Variants in USP46 observed in about 807,000 individuals in gnomAD.
The protein encoded by USP46 is ubiquitin carboxyl-terminal hydrolase 46.
Under a neutral mutation model 44.4 loss-of-function variants are expected in USP46, and 12 were observed. The observed-to-expected ratio is 0.27, with a 90% confidence interval of 0.17 to 0.44. The LOEUF (loss-of-function observed/expected upper bound fraction) is 0.44. Ranked by LOEUF, USP46 falls within the 20% of genes least tolerant of loss-of-function variation. The pLI, the probability that USP46 is intolerant of heterozygous loss-of-function variation, is 1.00. For synonymous variants in USP46, 155 were observed against 161.5 expected (o/e 0.96, Z 0.31); for missense variants, 248 against 444.8 (o/e 0.56, Z 3.98).
At chr4:52,609,986 C>T (rs1228458079) in intron 5 of USP46, among the ~76,000 whole-genome samples, 2 of 113,132 alleles carry the variant, frequency 1.8e-5, no homozygotes, top group Non-Finnish European at 3.3e-5. Flanking sequence ...AGTGCAGTGG[C>T]GCGATCTCGA....
chr4:52,652,321 A>C (rs144948762), intron 1 of USP46, among the ~76,000 whole-genome samples: 105 of 152,322 alleles, frequency 6.9e-4, no homozygotes, highest in African/African-American at 2.3e-3. Flanking sequence ...TTCTTTGGAG[A>C]GCAATCAGGC....
intron 4 of USP46, among the ~76,000 whole-genome samples, chr4:52,613,654 G>A (rs557866179): frequency 4.8e-4 from 72 of 151,388 alleles, no homozygotes; most frequent in African/African-American, 1.6e-3. Context: ...CCCAGGAGGC[G>A]GAGGTTGCAG....
In USP46 at chr4:52,604,670, GTAATT is replaced by G. The variant is rs756940324; in HGVS notation, c.639-91_639-87del. 3.1e-3 allele frequency: 2,676 copies of G among 860,626 alleles called. 15 individuals are homozygous for G. Among genetic ancestry groups the G allele is most frequent in the Non-Finnish European group, 3.3e-3 (1,906 of 573,762 alleles). 53.3% of individuals were successfully genotyped at this position (860,626 alleles called of 1,614,324 possible). On this transcript the variant is annotated intron_variant, in intron 5 of 8. Transcript: ENST00000441222. ...TTAAATCCCTCAATTAACCTGTAGG[GTAATT>G]TTTAAGTAAAAATGGAAGAAGAAGT...
chr4:52,656,612 A>C, intron 1 of USP46: 2 of 1,248,562 alleles, frequency 1.6e-6, no homozygotes, highest in South Asian at 2.2e-5. Flanking sequence ...GATGTTGACA[A>C]TGACACTCAC....
rs1019015574 is a variant in USP46, at chr4:52,594,957, A to T, written c.*2683T>A. 2.0e-5 allele frequency: 3 copies of T among 152,256 alleles called. No homozygotes were observed. The highest frequency in any genetic ancestry group is 7.2e-5 in the African/African-American group (3 of 41,446). 9.4% of individuals were successfully genotyped at this position (152,256 alleles called of 1,614,324 possible). ...ATTTTACCAACATTTACTTTTAAAC[A>T]CATGATTTTTTAGCATGCTGTGCCA... On this transcript the variant is annotated 3_prime_UTR_variant, in exon 9 of 9. Coordinates refer to ENST00000441222, the MANE Select transcript of USP46 (RefSeq NM_022832.4).
chr4:52,609,926 T>TTTTTTTTTTTTTTTTTTG, intron 5 of USP46, among the ~76,000 whole-genome samples: 1 of 91,334 alleles, frequency 1.1e-5, no homozygotes, highest in Non-Finnish European at 2.2e-5. Flanking sequence ...TTTTTTTTTT[T>TTTTTTTTTTTTTTTTTTG]TTTTTTTTTT....
In USP46 at chr4:52,596,609, G is replaced by C. The variant is rs1281219335; in HGVS notation, c.*1031C>G. The C allele has an allele frequency of 1.3e-5, 2 of 152,158 alleles. No individual in the cohort carries two copies. Among genetic ancestry groups the C allele is most frequent in the African/African-American group, 2.4e-5 (1 of 41,416 alleles). The allele number at this position is 152,158 out of a possible 1,614,324, so 9.4% of individuals were successfully genotyped here. A position where few individuals can be genotyped will look rare whatever the true frequency, so the allele number is the denominator to read the frequency against. On this transcript the variant is annotated 3_prime_UTR_variant, in exon 9 of 9. Coordinates refer to ENST00000441222, the MANE Select transcript of USP46 (RefSeq NM_022832.4). ...CTAGGGAAGGTTCTGTATCAGCCCT[G>C]GGACTCGCCAGTGCCTCAGTAAACA...
At chr4:52,599,421 G>T (rs1003090542) in intron 7 of USP46, among the ~76,000 whole-genome samples, 1 of 152,102 alleles carries the variant, frequency 6.6e-6, no homozygotes, top group Non-Finnish European at 1.5e-5. Context: ...CAGAGTGAGC[G>T]AGGCGGGGAA....
chr4:52,655,135 G>A (rs1482013048), intron 1 of USP46, among the ~76,000 whole-genome samples: 1 of 152,198 alleles, frequency 6.6e-6, no homozygotes, highest in Non-Finnish European at 1.5e-5. Flanking sequence ...TTTTTGAAAT[G>A]TCCTGTTGTG....
At chr4:52,647,220 A>G (rs1318572021) in intron 1 of USP46, among the ~76,000 whole-genome samples, 2 of 152,230 alleles carry the variant, frequency 1.3e-5, no homozygotes, top group Non-Finnish European at 1.5e-5. Context: ...AGATCAGGAC[A>G]GATCAGGGTA....
intron 1 of USP46, among the ~76,000 whole-genome samples, chr4:52,640,524 T>G (rs1718294824): frequency 1.3e-5 from 2 of 152,102 alleles, no homozygotes; most frequent in Admixed American, 6.5e-5. Context: ...TATTAAAATT[T>G]TAGGCCAGGC....
At chr4:52,617,694 G>A (rs1717211591) in intron 4 of USP46, among the ~76,000 whole-genome samples, 1 of 152,138 alleles carries the variant, frequency 6.6e-6, no homozygotes, top group Non-Finnish European at 1.5e-5. Context: ...GTGGAGGAAG[G>A]GTGTTGGTTT....
intron 4 of USP46, among the ~76,000 whole-genome samples, chr4:52,611,950 C>T (rs1480145054): frequency 6.6e-6 from 1 of 152,080 alleles, no homozygotes; most frequent in East Asian, 1.9e-4. Context: ...TGCCCAGATC[C>T]GTATCCCGTC....
chr4:52,638,290 T>G (rs1184942744), intron 1 of USP46, among the ~76,000 whole-genome samples: 1 of 151,848 alleles, frequency 6.6e-6, no homozygotes, highest in Non-Finnish European at 1.5e-5. Context: ...CTGCTGGCCT[T>G]GAAGAGGGAA....
chr4:52,646,235 C>T (rs529117493), intron 1 of USP46, among the ~76,000 whole-genome samples: 2 of 152,316 alleles, frequency 1.3e-5, no homozygotes, highest in South Asian at 4.2e-4. Flanking sequence ...ATGGGGAGCA[C>T]TGCAGGAGTC....
intron 1 of USP46, among the ~76,000 whole-genome samples, chr4:52,656,834 AT>A (rs1276027302): frequency 6.6e-6 from 1 of 151,784 alleles, no homozygotes; most frequent in African/African-American, 2.4e-5. Flanking sequence ...GAGCCCAGGT[AT>A]TAGGGACCAG....
intron 1 of USP46, among the ~76,000 whole-genome samples, chr4:52,636,798 A>G (rs1718134997): frequency 6.6e-6 from 1 of 151,088 alleles, no homozygotes; most frequent in East Asian, 1.9e-4. Flanking sequence ...CAGGTGTTCC[A>G]TAATAAAATC....
chr4:52,605,479 A>C (rs1406871246), intron 5 of USP46, among the ~76,000 whole-genome samples: 1 of 152,242 alleles, frequency 6.6e-6, no homozygotes, highest in Non-Finnish European at 1.5e-5. Flanking sequence ...TCAGTGTCCT[A>C]GTACCATAAT....
At chr4:52,642,131 C>T (rs1577692765) in intron 1 of USP46, among the ~76,000 whole-genome samples, 1 of 152,142 alleles carries the variant, frequency 6.6e-6, no homozygotes, top group African/African-American at 2.4e-5. Flanking sequence ...CCCAAGATCT[C>T]AGGATGAGTC....
Sources: gnomAD v4.1 joint callset for allele counts (sites outside exome capture counted in the v4.1 genomes callset) on GRCh38, gnomAD v4.1.1 for gene constraint, MANE v1.5 for transcripts, NCBI Gene and HGNC (gene_info 2026-07-23, HGNC 2026-07-21) for gene names.